Variants in EPHB3 observed in about 807,000 individuals in gnomAD.
The protein encoded by EPHB3 is EPH receptor B3, also known as ephrin type-B receptor 3.
Under a neutral mutation model 100.2 loss-of-function variants are expected in EPHB3, and 33 were observed. The observed-to-expected ratio is 0.33, with a 90% confidence interval of 0.25 to 0.44. EPHB3 has a LOEUF of 0.44. EPHB3 is among the 20% of genes least tolerant of loss of function. The pLI is 1.00. For missense variants in EPHB3, 1,045 were observed against 1,378.3 expected (o/e 0.76, Z 3.83); for synonymous variants, 526 against 554.7 (o/e 0.95, Z 0.73).
rs1463079018 is a variant in EPHB3, at chr3:184,569,377, T to C, written c.119-1941T>C. ...TGTCTTTGTAGTCAGCCGCCGGCCA[T>C]CCCGGCTGTCGGATCCCCGCCAGCC... On this transcript the variant is annotated intron_variant, in intron 1 of 15. Coordinates refer to ENST00000330394, the MANE Select transcript of EPHB3 (RefSeq NM_004443.4). The surrounding 1 kb of genome is among the most constrained non-coding windows in gnomAD (Gnocchi z 5.4). Among the ~76,000 whole-genome samples, 2 of 151,464 alleles carry C rather than the reference T, an allele frequency of 1.3e-5. No homozygotes were observed. The highest frequency in any genetic ancestry group is 2.1e-4 in the South Asian group (1 of 4,780).
In EPHB3 at chr3:184,562,330, C is replaced by A; in HGVS notation, c.95C>A (p.Pro32His). The A allele has an allele frequency of 1.6e-6, 2 of 1,242,890 alleles. No homozygotes were observed. The highest frequency in any genetic ancestry group is 6.4e-5 in the South Asian group (2 of 31,378). The allele number at this position is 1,242,890 out of a possible 1,614,324, so 77.0% of individuals were successfully genotyped here. Residue 32 changes from proline to histidine, a missense_variant, in exon 1 of 16, where the codon CCC becomes CAC. By Grantham distance (77) the Pro-to-His change is moderately conservative (BLOSUM62 -2). Coordinates refer to ENST00000330394, the MANE Select transcript of EPHB3 (RefSeq NM_004443.4). This position sits in a 1 kb window ranked among gnomAD's most constrained non-coding sequence, Gnocchi z 4.8. Reference sequence around the variant, plus strand: ...CTGCTGCTGCCGCTGCTGCTGCTGCCCGCCGGCTGCCGGGCGCTGGAAGGT... The same window carrying A: ...CTGCTGCTGCCGCTGCTGCTGCTGCACGCCGGCTGCCGGGCGCTGGAAGGT... ...PLLLLPLLLL[P>H]AGCRALEETL... is the part of the protein sequence containing the mutation.
In EPHB3 at chr3:184,571,144, G is replaced by C. The variant is rs759926562; in HGVS notation, c.119-174G>C. 1.3e-5 allele frequency among the ~76,000 whole-genome samples: 2 copies of C among 151,838 alleles called. No individual in the cohort carries two copies. The highest frequency in any genetic ancestry group is 2.9e-5 in the Non-Finnish European group (2 of 67,950). ...TAATTTTGTATTTTTAGTAGAGATG[G>C]GGTTTCAACATGTTGGTCAGACTGA... is the stretch of plus-strand genomic sequence containing the variant. On this transcript the variant is annotated intron_variant, in intron 1 of 15. Coordinates refer to ENST00000330394, the MANE Select transcript of EPHB3 (RefSeq NM_004443.4). The surrounding 1 kb of genome is among the most constrained non-coding windows in gnomAD (Gnocchi z 5.0).
Position 184,569,983 on chromosome 3 carries a change from A to G in EPHB3, c.119-1335A>G, listed in dbSNP as rs1422020853. 6.6e-6 allele frequency among the ~76,000 whole-genome samples: 1 copy of G among 152,254 alleles called. No individual in the cohort carries two copies. Among genetic ancestry groups the G allele is most frequent in the Non-Finnish European group, 1.5e-5 (1 of 68,042 alleles). ...CTGACCCAGGTCTAATCTGGGGGTC[A>G]CACTGTCTTTCAGAGAGTAGGGACA... On this transcript the variant is annotated intron_variant, in intron 1 of 15. Transcript: ENST00000330394. This position sits in a 1 kb window ranked among gnomAD's most constrained non-coding sequence, Gnocchi z 5.4.
Position 184,579,270 on chromosome 3 carries a change from TGA to T in EPHB3, c.1802-202_1802-201del, listed in dbSNP as rs1439267874. Among the ~76,000 whole-genome samples the T allele has an allele frequency of 6.6e-6, 1 of 151,790 alleles. No individual in the cohort carries two copies. Among genetic ancestry groups the T allele is most frequent in the African/African-American group, 2.4e-5 (1 of 41,300 alleles). ...GAATCTGAGAGAGGTCTGGATGTGA[TGA>T]GAGATGAGAGAGAAAAACTAGGAGT... On this transcript the variant is annotated intron_variant, in intron 9 of 15. Transcript: ENST00000330394. This position sits in a 1 kb window ranked among gnomAD's most constrained non-coding sequence, Gnocchi z 5.2.
chr3:184,576,195 A>C (rs544744533), intron 4 of EPHB3, among the ~76,000 whole-genome samples: 64 of 151,040 alleles, frequency 4.2e-4, no homozygotes, highest in Non-Finnish European at 7.3e-4. Flanking sequence ...CCTTCCACCA[A>C]CGCTTGCTAA....
chr3:184,562,845 G>A lies in EPHB3; in HGVS notation c.118+492G>A, dbSNP rs1714292564. On this transcript the variant is annotated intron_variant, in intron 1 of 15. Transcript: ENST00000330394. The surrounding 1 kb of genome is among the most constrained non-coding windows in gnomAD (Gnocchi z 4.8). ...GAGCACCCCGATTTGTCAGGGGACC[G>A]CTGCGGGGGCGGACAGGCGGGGGCC... is the stretch of plus-strand genomic sequence containing the variant. 2.0e-5 allele frequency among the ~76,000 whole-genome samples: 3 copies of A among 152,210 alleles called. No homozygotes were observed. The highest frequency in any genetic ancestry group is 4.1e-4 in the South Asian group (2 of 4,834).
Position 184,562,841 on chromosome 3 carries a change from G to T in EPHB3, c.118+488G>T, listed in dbSNP as rs1467102351. 7.9e-5 allele frequency among the ~76,000 whole-genome samples: 12 copies of T among 152,218 alleles called. No individual in the cohort carries two copies. On this transcript the variant is annotated intron_variant, in intron 1 of 15. Coordinates refer to ENST00000330394, the MANE Select transcript of EPHB3 (RefSeq NM_004443.4). This position sits in a 1 kb window ranked among gnomAD's most constrained non-coding sequence, Gnocchi z 4.8. ...GTGCGAGCACCCCGATTTGTCAGGG[G>T]ACCGCTGCGGGGGCGGACAGGCGGG...
In EPHB3 at chr3:184,563,110, G is replaced by T. The variant is rs920280657; in HGVS notation, c.118+757G>T. The stretch of plus-strand genomic sequence containing the variant: ...CTGTGAAACCTGCCAAGACTGCTGT[G>T]GGGGGCAGCTCCAACTTCCAAATGA... On this transcript the variant is annotated intron_variant, in intron 1 of 15. Transcript: ENST00000330394. This position sits in a 1 kb window ranked among gnomAD's most constrained non-coding sequence, Gnocchi z 4.1. Among the ~76,000 whole-genome samples the T allele has an allele frequency of 6.6e-6, 1 of 152,194 alleles. No homozygotes were observed. The highest frequency in any genetic ancestry group is 2.4e-5 in the African/African-American group (1 of 41,436).
chr3:184,566,012 C>CTG (rs1714375417), intron 1 of EPHB3, among the ~76,000 whole-genome samples: 1 of 151,998 alleles, frequency 6.6e-6, no homozygotes, highest in South Asian at 2.1e-4. Flanking sequence ...ACTGGTTTGT[C>CTG]GGGATTGGGC....
chr3:184,570,132 A>G (rs1714503693), intron 1 of EPHB3, among the ~76,000 whole-genome samples: 1 of 152,214 alleles, frequency 6.6e-6, no homozygotes, highest in South Asian at 2.1e-4. Context: ...CAGGCCGGGT[A>G]CTGTGACAAA....
At chr3:184,570,987 T>C (rs1158075845) in intron 1 of EPHB3, among the ~76,000 whole-genome samples, 1 of 150,918 alleles carries the variant, frequency 6.6e-6, no homozygotes, top group Admixed American at 6.6e-5. Flanking sequence ...AGAGTTTCTC[T>C]CTCTGTTGCC....
chr3:184,564,177 G>C (rs990386254), intron 1 of EPHB3, among the ~76,000 whole-genome samples: 1 of 152,200 alleles, frequency 6.6e-6, no homozygotes, highest in Admixed American at 6.5e-5. Context: ...AGGACCTTTC[G>C]TTCCCCATTC....
Position 184,577,325 on chromosome 3 carries a change from G to A in EPHB3, c.1355-18G>A, listed in dbSNP as rs1272999001. On this transcript the variant is annotated intron_variant, in intron 5 of 15. Coordinates refer to ENST00000330394, the MANE Select transcript of EPHB3 (RefSeq NM_004443.4). This position sits in a 1 kb window ranked among gnomAD's most constrained non-coding sequence, Gnocchi z 4.9. ...CCAGGGTCCAGGGAGCCCCTGGTGA[G>A]CCCTCTGCTCTTCCCAGCCCCGTCT... 6 of 1,611,402 alleles carry A rather than the reference G, an allele frequency of 3.7e-6. 1 individual carries two copies. The South Asian group carries it at 6.6e-5, about 18-fold the overall frequency.
At position 184,579,759 on chromosome 3, in the gene EPHB3, C is replaced by T. The variant is rs766794354; in HGVS notation, c.1997C>T (p.Thr666Met). ...CGAGAGGTGTTTGTGGCCATCAAGA[C>T]GCTGAAGGTGGGCTACACCGAGAGG... is the stretch of plus-strand genomic sequence containing the variant. The part of the protein sequence containing the change: ...GRREVFVAIK[T>M]LKVGYTERQR... The change falls in exon 11 of 16, where the codon ACG (threonine) becomes ATG (methionine). Residue 666 changes from threonine to methionine, a missense_variant. This residue lies in a region of EPHB3 where 985 missense variants were observed against 1,331.1 expected (regional missense o/e 0.74). Coordinates refer to ENST00000330394, the MANE Select transcript of EPHB3 (RefSeq NM_004443.4). The surrounding 1 kb of genome is among the most constrained non-coding windows in gnomAD (Gnocchi z 5.2). 34 of 1,612,110 alleles carry T rather than the reference C, an allele frequency of 2.1e-5. No homozygotes were observed. Among genetic ancestry groups the T allele is most frequent in the South Asian group, 3.3e-5 (3 of 90,918 alleles).
At chr3:184,580,007 C>G in intron 11 of EPHB3, 73 bp downstream of exon 11, 1 of 1,556,584 alleles carries the variant, frequency 6.4e-7, no homozygotes, top group Non-Finnish European at 8.7e-7. Context: ...TCCCACAAGT[C>G]AGACAGCCCC....
intron 11 of EPHB3, 86 bp downstream of exon 11, chr3:184,580,020 T>C: frequency 6.5e-7 from 1 of 1,542,754 alleles, no homozygotes; most frequent in Non-Finnish European, 8.7e-7. Context: ...ACAGCCCCTA[T>C]TCAAGTCCAT....
chr3:184,571,773 C>A lies in EPHB3; in HGVS notation c.183+391C>A, dbSNP rs1342246849. On this transcript the variant is annotated intron_variant, in intron 2 of 15. Coordinates refer to ENST00000330394, the MANE Select transcript of EPHB3 (RefSeq NM_004443.4). The surrounding 1 kb of genome is among the most constrained non-coding windows in gnomAD (Gnocchi z 5.0). The stretch of plus-strand genomic sequence containing the variant: ...GTGACCTTGGGCAAGGCCGTTTACC[C>A]CTCTGGGTGGCCACTTCTTGACTGT... Among the ~76,000 whole-genome samples the A allele has an allele frequency of 1.3e-5, 2 of 152,018 alleles. No homozygotes were observed. Among genetic ancestry groups the A allele is most frequent in the Non-Finnish European group, 2.9e-5 (2 of 68,014 alleles).
rs1174517179 is a variant in EPHB3 at position 184,571,877 on chromosome 3, A to G, written c.183+495A>G. Among the ~76,000 whole-genome samples the G allele has an allele frequency of 6.6e-6, 1 of 152,204 alleles. No homozygotes were observed. The highest frequency in any genetic ancestry group is 1.5e-5 in the Non-Finnish European group (1 of 68,044). ...GGCCTTCATGGCTGCTCTAAGCCCT[A>G]GAACCCTGGAGTACGATGGCACTAC... On this transcript the variant is annotated intron_variant, in intron 2 of 15. Transcript: ENST00000330394. The surrounding 1 kb of genome is among the most constrained non-coding windows in gnomAD (Gnocchi z 5.0).
Position 184,573,022 on chromosome 3 carries a change from G to C in EPHB3, c.702G>C (p.Leu234=). 6.2e-7 allele frequency: 1 copy of C among 1,613,024 alleles called. No individual in the cohort carries two copies. Among genetic ancestry groups the C allele is most frequent in the South Asian group, 1.1e-5 (1 of 91,050 alleles). The change falls in exon 3 of 16, where the codon CTG becomes CTC. Residue 234 remains leucine (L), a synonymous_variant. Transcript: ENST00000330394. This position sits in a 1 kb window ranked among gnomAD's most constrained non-coding sequence, Gnocchi z 4.5. ...TCACTGGGGCGGAGCCCACCTCGCT[G>C]GTCATTGCTCCTGGCACCTGCATCC... is the stretch of plus-strand genomic sequence containing the variant. ...ETLTGAEPTS[L]VIAPGTCIPN...
Sources: allele counts gnomAD v4.1 joint callset (sites outside exome capture counted in the v4.1 genomes callset), GRCh38; gene constraint gnomAD v4.1.1; regional missense constraint gnomAD v4.1.1; non-coding constraint Gnocchi (gnomAD v3.1); transcripts MANE v1.5; gene names NCBI Gene and HGNC (gene_info 2026-07-23, HGNC 2026-07-21).